SCAF8: variants seen among roughly 807,000 people sequenced by gnomAD.
SCAF8 encodes SR-related CTD associated factor 8, also known as SR-related and CTD-associated factor 8.
In SCAF8, 23 loss-of-function variants were observed where a neutral mutation model predicts 140.5. The ratio of observed to expected loss-of-function variants is 0.16; its 90% CI spans 0.12 to 0.23. SCAF8 has a LOEUF of 0.23. Ranked by LOEUF, SCAF8 falls within the 10% of genes least tolerant of loss-of-function variation. The pLI is 1.00. For missense variants in SCAF8, 1,397 were observed against 1,555.7 expected, an observed-to-expected ratio of 0.90 and a Z score of 1.72; for synonymous variants, 575 against 528.9, an observed-to-expected ratio of 1.09 and a Z score of -1.20.
At chr6:154,814,960 A>G (rs1045135214) in intron 12 of SCAF8, among the ~76,000 whole-genome samples, 6 of 152,150 alleles carry the variant, frequency 3.9e-5, no homozygotes, top group Admixed American at 3.9e-4. Flanking sequence ...TCTCTTGATT[A>G]GGGAGACACA....
Position 154,833,024 on chromosome 6 carries a change from T to A in SCAF8, c.3445T>A (p.Phe1149Ile). Reference sequence around the variant, plus strand: ...ATTTGGACAAGAAGTTCACAGAGATTTTGATGACCGCAGAAGACCCTGGGA... The same window carrying A: ...ATTTGGACAAGAAGTTCACAGAGATATTGATGACCGCAGAAGACCCTGGGA... ...RGFGQEVHRD[F>I]DDRRRPWERQ... Residue 1149 changes from phenylalanine to isoleucine, a missense_variant, in exon 20 of 20, where the codon TTT (phenylalanine) becomes ATT (isoleucine). By Grantham distance (21) the Phe-to-Ile change is conservative. Around this residue, in one of 5 missense-constraint regions of SCAF8, gnomAD observed 930 missense variants for 874.6 expected, o/e 1.06. Coordinates refer to ENST00000367178, the MANE Select transcript of SCAF8 (RefSeq NM_014892.5). 1 of 1,614,006 alleles carries A rather than the reference T, an allele frequency of 6.2e-7. No homozygotes were observed. Among genetic ancestry groups the A allele is most frequent in the Non-Finnish European group, 8.5e-7 (1 of 1,179,992 alleles).
intron 1 of SCAF8, among the ~76,000 whole-genome samples, chr6:154,737,707 T>C (rs545698383): frequency 6.6e-6 from 1 of 151,742 alleles, no homozygotes; most frequent in Non-Finnish European, 1.5e-5. Flanking sequence ...ATCAGAAAAA[T>C]TGAGACAGGT....
At chr6:154,791,035 G>A (rs780024402) in intron 4 of SCAF8, among the ~76,000 whole-genome samples, 2 of 152,196 alleles carry the variant, frequency 1.3e-5, no homozygotes, top group Non-Finnish European at 2.9e-5. Flanking sequence ...TCTGACATAA[G>A]TGTTCTCTGG....
chr6:154,805,177 T>C, intron 8 of SCAF8, among the ~76,000 whole-genome samples, 192 bp from the exon 9 acceptor site: 1 of 135,356 alleles, frequency 7.4e-6, no homozygotes, highest in Non-Finnish European at 1.5e-5. Flanking sequence ...TGATGTACAA[T>C]TGAAGAATGT....
At chr6:154,829,212 T>C (rs1778656086) in intron 18 of SCAF8, among the ~76,000 whole-genome samples, 1 of 151,504 alleles carries the variant, frequency 6.6e-6, no homozygotes, top group Admixed American at 6.6e-5. Flanking sequence ...TTTGTAGATG[T>C]GGTGCCAGTT....
At chr6:154,831,703 T>TAAAAAAAAAAAAAAAAAA (rs58013583) in intron 19 of SCAF8, among the ~76,000 whole-genome samples, 2 of 48,094 alleles carry the variant, frequency 4.2e-5, no homozygotes, top group African/African-American at 1.4e-4. Context: ...CTCCTGTTCT[T>TAAAAAAAAAAAAAAAAAA]AAAAAAAAAA....
intron 14 of SCAF8, 58 bp from the exon 15 acceptor site, chr6:154,820,119 C>T: frequency 1.4e-5 from 19 of 1,335,524 alleles, no homozygotes; most frequent in South Asian, 5.7e-5. Flanking sequence ...AACTTTTTAC[C>T]TTGTTTTTAT....
At chr6:154,741,446 G>A (rs557261206) in intron 1 of SCAF8, among the ~76,000 whole-genome samples, 1 of 151,090 alleles carries the variant, frequency 6.6e-6, no homozygotes, top group African/African-American at 2.4e-5. Context: ...TTGCTTCTTC[G>A]CCCGGGCTGG....
At chr6:154,820,971 CAG>C (rs1415528703) in intron 15 of SCAF8, among the ~76,000 whole-genome samples, 1 of 152,160 alleles carries the variant, frequency 6.6e-6, no homozygotes, top group Non-Finnish European at 1.5e-5. Flanking sequence ...GCTCTTTTAT[CAG>C]AGTTAGCTAA....
At chr6:154,805,008 G>A (rs1294644353) in intron 8 of SCAF8, among the ~76,000 whole-genome samples, 1 of 152,038 alleles carries the variant, frequency 6.6e-6, no homozygotes, top group Non-Finnish European at 1.5e-5. Context: ...AGTAAGAGAA[G>A]GAGTTAAAGT....
In SCAF8 at chr6:154,833,015, C is replaced by G. The variant is rs1177612347; in HGVS notation, c.3436C>G (p.His1146Asp). The G allele has an allele frequency of 6.2e-7, 1 of 1,614,106 alleles. No individual in the cohort carries two copies. Reference sequence around the variant, plus strand: ...GAACCGAGGATTTGGACAAGAAGTTCACAGAGATTTTGATGACCGCAGAAG... The same window carrying G: ...GAACCGAGGATTTGGACAAGAAGTTGACAGAGATTTTGATGACCGCAGAAG... ...PWNRGFGQEV[H>D]RDFDDRRRPW... is the part of the protein sequence containing the mutation. The change falls in exon 20 of 20, where the codon CAC becomes GAC. Residue 1146 changes from histidine to aspartate, a missense_variant. This residue lies in a region of SCAF8 where 930 missense variants were observed against 874.6 expected (regional missense o/e 1.06). Coordinates refer to ENST00000367178, the MANE Select transcript of SCAF8 (RefSeq NM_014892.5).
intron 6 of SCAF8, among the ~76,000 whole-genome samples, chr6:154,798,274 C>T (rs1472611494): frequency 6.6e-6 from 1 of 151,436 alleles, no homozygotes; most frequent in East Asian, 1.9e-4. Context: ...TTGGCTTGAA[C>T]AATTGGTTCA....
intron 1 of SCAF8, among the ~76,000 whole-genome samples, chr6:154,738,024 T>C (rs1005156816): frequency 1.1e-4 from 17 of 151,968 alleles, no homozygotes; most frequent in African/African-American, 4.8e-5. Flanking sequence ...CCAGAGACTT[T>C]AGGAATACAG....
At chr6:154,744,017 G>C (rs745819758) in intron 1 of SCAF8, among the ~76,000 whole-genome samples, 3 of 152,136 alleles carry the variant, frequency 2.0e-5, no homozygotes, top group Non-Finnish European at 4.4e-5. Context: ...CCACTTTACT[G>C]GGCACGGTGG....
In SCAF8 at chr6:154,798,343, T is replaced by C. The variant is rs562359046; in HGVS notation, c.606+3204T>C. 3.3e-5 allele frequency among the ~76,000 whole-genome samples: 5 copies of C among 151,436 alleles called. No homozygotes were observed. In the South Asian group the frequency reaches 8.3e-4, roughly 25 times the overall value. On this transcript the variant is annotated intron_variant, in intron 6 of 19. Coordinates refer to ENST00000367178, the MANE Select transcript of SCAF8 (RefSeq NM_014892.5). ...TGTTTTTTAAAGGATGAGTAAGAAA[T>C]GGATGCTAAGGATGAGCTACGTAGA...
At chr6:154,756,109 T>C (rs1279153464) in intron 1 of SCAF8, among the ~76,000 whole-genome samples, 2 of 152,232 alleles carry the variant, frequency 1.3e-5, no homozygotes, top group Admixed American at 1.3e-4. Context: ...TGACACTAAA[T>C]TATGTCATTA....
chr6:154,827,339 GAAAGCTTTAAGACA>G (rs1778595511), intron 18 of SCAF8, 99 bp downstream of exon 18: 1 of 819,710 alleles, frequency 1.2e-6, no homozygotes, highest in Admixed American at 2.7e-5. Context: ...TTTTTATTAT[GAAAGCTTTAAGACA>G]AATGCATGTT....
chr6:154,734,517 CTT>C (rs1476383500), intron 1 of SCAF8, among the ~76,000 whole-genome samples: 1 of 152,182 alleles, frequency 6.6e-6, no homozygotes, highest in Non-Finnish European at 1.5e-5. Flanking sequence ...TCTGCAATAT[CTT>C]TTATTTTTAC....
chr6:154,745,215 A>C (rs968517095), intron 1 of SCAF8, among the ~76,000 whole-genome samples: 12 of 152,172 alleles, frequency 7.9e-5, no homozygotes, highest in African/African-American at 2.9e-4. Context: ...GTATTTTTAG[A>C]ATTGCTTTAA....
Sources: allele counts gnomAD v4.1 joint callset (sites outside exome capture counted in the v4.1 genomes callset), GRCh38; gene constraint gnomAD v4.1.1; regional missense constraint gnomAD v4.1.1; transcripts MANE v1.5; gene names NCBI Gene and HGNC (gene_info 2026-07-23, HGNC 2026-07-21).